PKD2: variants seen among roughly 807,000 people sequenced by gnomAD.
The protein encoded by PKD2 is polycystin-2.
PKD2 carries 48 observed loss-of-function variants against 105.9 expected under a neutral mutation model. The observed-to-expected ratio is 0.45, with a 90% CI of 0.36 to 0.58. The LOEUF (loss-of-function observed/expected upper bound fraction) is 0.58, where lower values mean the gene tolerates loss of function less well. PKD2 is among the 20% of genes least tolerant of loss of function. The pLI is 0.00. For synonymous variants in PKD2, 464 were observed against 481.1 expected, an observed-to-expected ratio of 0.96 and a Z score of 0.46; for missense variants, 1,078 against 1,255.3, an observed-to-expected ratio of 0.86 and a Z score of 2.13.
intron 10 of PKD2, 24 bp from the exon 11 acceptor site, chr4:88,065,350 T>G (rs199720728): frequency 1.6e-5 from 26 of 1,607,346 alleles, no homozygotes; most frequent in Non-Finnish European, 2.1e-5. Flanking sequence ...AAACCAAGTC[T>G]TTTATTTTTT....
intron 7 of PKD2, among the ~76,000 whole-genome samples, chr4:88,055,383 G>T (rs1229335319): frequency 2.0e-5 from 3 of 151,924 alleles, no homozygotes; most frequent in African/African-American, 7.2e-5. Flanking sequence ...AATCCTTTTT[G>T]GGGGGAAAGC....
rs1251060579 is a variant in PKD2, at chr4:88,007,724, A to T, written c.-10A>T. 3 of 1,196,000 alleles carry T rather than the reference A, an allele frequency of 2.5e-6. No homozygotes were observed. The highest frequency in any genetic ancestry group is 3.1e-6 in the Non-Finnish European group (3 of 954,094). 74.1% of individuals were successfully genotyped at this position (1,196,000 alleles called of 1,614,324 possible). On this transcript the variant is annotated 5_prime_UTR_variant, in exon 1 of 15. Coordinates refer to ENST00000237596, the MANE Select transcript of PKD2 (RefSeq NM_000297.4). ...GCCGCGCACCCGCGCGCCGGACGCC[A>T]GTGACCGCGATGGTGAACTCCAGTC...
chr4:88,043,876 G>A (rs1291443148), intron 5 of PKD2, among the ~76,000 whole-genome samples: 1 of 152,158 alleles, frequency 6.6e-6, no homozygotes, highest in African/African-American at 2.4e-5. Flanking sequence ...CACAAGCACA[G>A]TAACCGGAGT....
chr4:88,055,327 T>C (rs1273170486), intron 7 of PKD2, among the ~76,000 whole-genome samples: 1 of 152,214 alleles, frequency 6.6e-6, no homozygotes, highest in African/African-American at 2.4e-5. Flanking sequence ...GGGGGTTTTA[T>C]AATTAATTTT....
intron 13 of PKD2, among the ~76,000 whole-genome samples, chr4:88,072,275 G>C (rs139315894): frequency 2.0e-5 from 3 of 151,996 alleles, no homozygotes; most frequent in African/African-American, 7.2e-5. Flanking sequence ...GCACCACCAC[G>C]CCTGGCCCCT....
chr4:88,017,216 A>G (rs1726590088), intron 1 of PKD2, among the ~76,000 whole-genome samples: 1 of 152,100 alleles, frequency 6.6e-6, no homozygotes, highest in African/African-American at 2.4e-5. Context: ...TCAAGCCTTC[A>G]GTGAGCTGTG....
At chr4:88,011,800 A>G (rs10029693) in intron 1 of PKD2, among the ~76,000 whole-genome samples, 1,544 of 149,424 alleles carry the variant, frequency 0.01, 29 homozygotes, top group African/African-American at 0.036. Context: ...TAGTCTATGC[A>G]CAGTGACTGA....
At chr4:88,012,468 T>TA (rs58243175) in intron 1 of PKD2, among the ~76,000 whole-genome samples, 122,930 of 152,040 alleles carry the variant, frequency 0.81, 50,135 homozygotes, top group African/African-American at 0.92. Context: ...ACATGCAGGA[T>TA]AATCATACCA....
At chr4:88,052,200 T>C (rs1443255911) in intron 7 of PKD2, 42 bp downstream of exon 7, 2 of 1,289,780 alleles carry the variant, frequency 1.6e-6, no homozygotes, top group Non-Finnish European at 2.2e-6. Flanking sequence ...AATAATATTT[T>C]CTTTAAAAAA....
chr4:88,048,585 A>G (rs1578137174), intron 6 of PKD2, among the ~76,000 whole-genome samples: 1 of 152,078 alleles, frequency 6.6e-6, no homozygotes, highest in South Asian at 2.1e-4. Context: ...CCTCATACTA[A>G]CCCTCTTCAC....
intron 10 of PKD2, among the ~76,000 whole-genome samples, chr4:88,063,567 G>T (rs372654278): frequency 2.0e-4 from 31 of 151,910 alleles, no homozygotes; most frequent in African/African-American, 7.2e-4. Context: ...AAGAAAAAGA[G>T]AATGGGCTAG....
In PKD2 at chr4:88,057,193, TAGCCC is replaced by T. The variant is rs527520504; in HGVS notation, c.1899-787_1899-783del. On this transcript the variant is annotated intron_variant, in intron 8 of 14. Coordinates refer to ENST00000237596, the MANE Select transcript of PKD2 (RefSeq NM_000297.4). The stretch of plus-strand genomic sequence containing the variant: ...TTTTATGAGAAGGGATCTCACTGTG[TAGCCC>T]AGGGTGGTATTGAACTCCAGGGCCT... Among the ~76,000 whole-genome samples the T allele has an allele frequency of 1.4e-4, 21 of 152,046 alleles. No homozygotes were observed. The East Asian group carries it at 3.9e-3, about 28-fold the overall frequency.
intron 3 of PKD2, 90 bp from the exon 4 acceptor site, chr4:88,038,161 G>C: frequency 7.6e-7 from 1 of 1,322,618 alleles, no homozygotes; most frequent in Non-Finnish European, 1.1e-6. Context: ...TCATAGAGTT[G>C]CCAAATGCTT....
intron 7 of PKD2, among the ~76,000 whole-genome samples, chr4:88,052,926 A>G (rs990261760): frequency 6.6e-6 from 1 of 152,232 alleles, no homozygotes; most frequent in African/African-American, 2.4e-5. Context: ...CTGCTTCCAA[A>G]TAGTTCCTTG....
At chr4:88,030,978 A>C (rs909830503) in intron 2 of PKD2, among the ~76,000 whole-genome samples, 1 of 152,200 alleles carries the variant, frequency 6.6e-6, no homozygotes, top group Non-Finnish European at 1.5e-5. Flanking sequence ...GATGGTCCCC[A>C]ACTTACGATG....
At chr4:88,072,685 A>G (rs539007884) in intron 13 of PKD2, among the ~76,000 whole-genome samples, 6 of 152,328 alleles carry the variant, frequency 3.9e-5, no homozygotes, top group Admixed American at 1.3e-4. Flanking sequence ...GTGGAAGAAG[A>G]GAGCCCCATT....
intron 2 of PKD2, among the ~76,000 whole-genome samples, chr4:88,030,355 T>C (rs183486321): frequency 1.3e-5 from 2 of 152,170 alleles, no homozygotes; most frequent in Non-Finnish European, 2.9e-5. Context: ...CAGGCTGTTC[T>C]TGAACTCTTG....
chr4:88,060,130 G>A (rs188537845), intron 9 of PKD2, among the ~76,000 whole-genome samples: 1 of 152,282 alleles, frequency 6.6e-6, no homozygotes, highest in East Asian at 1.9e-4. Context: ...AGAGGTCCCA[G>A]ACTTTGATCT....
At chr4:88,061,457 G>C (rs1269066429) in intron 9 of PKD2, among the ~76,000 whole-genome samples, 3 of 152,120 alleles carry the variant, frequency 2.0e-5, no homozygotes, top group Non-Finnish European at 4.4e-5. Flanking sequence ...ATTACATCAG[G>C]CTGGGCACAG....
Sources: allele counts gnomAD v4.1 joint callset (sites outside exome capture counted in the v4.1 genomes callset), GRCh38; gene constraint gnomAD v4.1.1; transcripts MANE v1.5; gene names NCBI Gene and HGNC (gene_info 2026-07-23, HGNC 2026-07-21).